ERMN: variants seen among roughly 807,000 people sequenced by gnomAD.
ERMN encodes the protein ermin.
Under a neutral mutation model 21.4 loss-of-function variants are expected in ERMN, and 17 were observed. The observed-to-expected ratio is 0.80, with a 90% CI of 0.54 to 1.19. The LOEUF is 1.19. Among genes scored for constraint, ERMN ranks in the 50% most tolerant of loss-of-function variants. The probability of loss-of-function intolerance (pLI) is 0.00; values close to 1 mark genes in which losing one functional copy is unlikely to be tolerated. For missense variants in ERMN, 348 were observed against 331.6 expected (o/e 1.05, Z -0.38); for synonymous variants, 115 against 111.9 (o/e 1.03, Z -0.17).
chr2:157,326,947 A>G (rs1684081439), upstream of ERMN, among the ~76,000 whole-genome samples: 1 of 152,148 alleles, frequency 6.6e-6, no homozygotes, highest in Non-Finnish European at 1.5e-5. Context: ...CTGCAAACTA[A>G]GTTTCATCTG....
In ERMN at chr2:157,325,806, A is replaced by C; in HGVS notation, c.-164T>G. On this transcript the variant is annotated 5_prime_UTR_variant, in exon 1 of 3. Transcript: ENST00000410096. ...CATAATAACAAGGTTCTTTTCCTAA[A>C]AGTATCCAGACAGAGATTAGAGCAA... 1 of 1,478,758 alleles carries C rather than the reference A, an allele frequency of 6.8e-7. No individual in the cohort carries two copies. The highest frequency in any genetic ancestry group is 8.9e-7 in the Non-Finnish European group (1 of 1,118,920). The allele number at this position is 1,478,758 out of a possible 1,614,324, so 91.6% of individuals were successfully genotyped here. A position where few individuals can be genotyped will look rare whatever the true frequency, so the allele number is the denominator to read the frequency against.
In ERMN at chr2:157,321,576, C is replaced by T; in HGVS notation, c.550G>A (p.Glu184Lys). 6.2e-7 allele frequency: 1 copy of T among 1,614,108 alleles called. No individual in the cohort carries two copies. Among genetic ancestry groups the T allele is most frequent in the Non-Finnish European group, 8.5e-7 (1 of 1,179,994 alleles). Residue 184 changes from glutamate to lysine, a missense_variant, in exon 3 of 3, where the codon GAA (glutamate) becomes AAA (lysine). Physicochemically the swap from Glu to Lys is moderately conservative, Grantham distance 56. Transcript: ENST00000410096. ...TCATCATCATCATCATCAATTTCTT[C>T]ATCCCAAACCTTCTGCTCCTCATCA... The part of the protein sequence containing the change: ...KHDEEQKVWD[E>K]EIDDDDDDNC...
upstream of ERMN, chr2:157,327,555 A>G (rs1684097174): frequency 5.3e-6 from 4 of 747,820 alleles, no homozygotes; most frequent in Admixed American, 7.3e-5. Flanking sequence ...GAGATTAAGG[A>G]GTTCAGCTAG....
intron 2 of ERMN, 80 bp downstream of exon 2, chr2:157,324,590 C>T (rs2105189614): frequency 8.8e-7 from 1 of 1,140,750 alleles, no homozygotes; most frequent in Non-Finnish European, 1.3e-6. Flanking sequence ...CAACCCCACG[C>T]TCATGCAACA....
chr2:157,327,459 A>G (rs1265599941), upstream of ERMN: 2 of 779,878 alleles, frequency 2.6e-6, no homozygotes, highest in South Asian at 1.3e-5. Context: ...ACTCATAAAT[A>G]GTAATACACT....
chr2:157,323,786 T>A (rs1283146111), intron 2 of ERMN, among the ~76,000 whole-genome samples: 1 of 152,140 alleles, frequency 6.6e-6, no homozygotes, highest in Non-Finnish European at 1.5e-5. Context: ...TCTATTAAGT[T>A]TATTTAAAAT....
Position 157,325,547 on chromosome 2 carries a change from T to C in ERMN, c.96A>G (p.Glu32=), listed in dbSNP as rs1280548591. The C allele has an allele frequency of 1.2e-6, 2 of 1,614,182 alleles. No homozygotes were observed. Among genetic ancestry groups the C allele is most frequent in the Non-Finnish European group, 1.7e-6 (2 of 1,180,014 alleles). Residue 32 remains glutamate, a synonymous_variant, in exon 1 of 3, where the codon GAA becomes GAG. Coordinates refer to ENST00000410096, the MANE Select transcript of ERMN (RefSeq NM_020711.3). Reference sequence around the variant, plus strand: ...GCAGGGGGCTGTCCACATCAGTCAATTCCTCACTGATTTTAGTGATTGTTT... The same window carrying C: ...GCAGGGGGCTGTCCACATCAGTCAACTCCTCACTGATTTTAGTGATTGTTT... ...GQQTITKISE[E]LTDVDSPLPH...
chr2:157,327,641 G>A (rs1158095907), upstream of ERMN: 31 of 603,814 alleles, frequency 5.1e-5, no homozygotes, highest in South Asian at 5.8e-4. Flanking sequence ...CCTGGCCTGT[G>A]TGCAGATGTT....
chr2:157,324,636 C>G, intron 2 of ERMN, 34 bp downstream of exon 2: 1 of 1,529,218 alleles, frequency 6.5e-7, no homozygotes, highest in Non-Finnish European at 9.1e-7. Context: ...CTCAGTCAAA[C>G]AATTTCTGTG....
At chr2:157,324,629 A>G (rs1232028816) in intron 2 of ERMN, 41 bp downstream of exon 2, 4 of 1,466,920 alleles carry the variant, frequency 2.7e-6, no homozygotes, top group Non-Finnish European at 3.8e-6. Flanking sequence ...ATCCATACTC[A>G]GTCAAACAAT....
intron 2 of ERMN, among the ~76,000 whole-genome samples, chr2:157,322,567 C>T (rs1222792848): frequency 2.0e-5 from 3 of 152,172 alleles, no homozygotes; most frequent in East Asian, 1.9e-4. Flanking sequence ...CTTTTGACAC[C>T]GTGAGAGTCT....
At chr2:157,322,246 G>GCA (rs61536459) in intron 2 of ERMN, among the ~76,000 whole-genome samples, 5,690 of 141,952 alleles carry the variant, frequency 0.04, 163 homozygotes, top group Admixed American at 0.086. Context: ...ACACACACAC[G>GCA]CACACACACA....
In ERMN at chr2:157,321,322, C is replaced by A; in HGVS notation, c.804G>T (p.Lys268Asn). The A allele has an allele frequency of 6.2e-7, 1 of 1,613,954 alleles. No homozygotes were observed. The highest frequency in any genetic ancestry group is 1.1e-5 in the South Asian group (1 of 91,060). ...YNTISYRKIR[K>N]GNTKQRIDEF... Reference sequence around the variant, plus strand: ...CATCAATTCTTTGCTTGGTATTTCCCTTTCTGATTTTCCGATAGGATATTG... The same window carrying A: ...CATCAATTCTTTGCTTGGTATTTCCATTTCTGATTTTCCGATAGGATATTG... The change falls in exon 3 of 3, where the codon AAG becomes AAT. Residue 268 changes from lysine (K) to asparagine (N), a missense_variant. By Grantham distance (94) the Lys-to-Asn change is moderately conservative. Transcript: ENST00000410096.
At chr2:157,325,956 C>A (rs567606898), upstream of ERMN, 34 of 1,221,246 alleles carry the variant, frequency 2.8e-5, no homozygotes, top group East Asian at 1.3e-3. Flanking sequence ...CATAAACAAA[C>A]AATCTGAAGC....
Position 157,320,123 on chromosome 2 carries a change from A to G in ERMN, c.*1148T>C, listed in dbSNP as rs954912146. The G allele has an allele frequency of 1.3e-5, 2 of 152,472 alleles. No individual in the cohort carries two copies. The highest frequency in any genetic ancestry group is 1.5e-5 in the Non-Finnish European group (1 of 68,026). The allele number at this position is 152,472 out of a possible 1,614,324, so 9.4% of individuals were successfully genotyped here. On this transcript the variant is annotated 3_prime_UTR_variant, in exon 3 of 3. Transcript: ENST00000410096. The stretch of plus-strand genomic sequence containing the variant: ...GAACAAACTATCTAAGAATATAAAT[A>G]TAGTCTCTCTTTTCATAAATATTCA...
chr2:157,321,543 T>C lies in ERMN; in HGVS notation c.583A>G (p.Asn195Asp). Residue 195 changes from asparagine (N) to aspartate (D), a missense_variant, in exon 3 of 3, where the codon AAT becomes GAT. Physicochemically the swap from Asn to Asp is conservative, Grantham distance 23. Transcript: ENST00000410096. ...EIDDDDDDNC[N>D]NDEDEVRVIE... ...ACTCGAACTTCATCTTCATCATTAT[T>C]GCAATTATCATCATCATCATCATCA... The C allele has an allele frequency of 1.9e-6, 3 of 1,614,072 alleles. No homozygotes were observed. The highest frequency in any genetic ancestry group is 2.5e-6 in the Non-Finnish European group (3 of 1,179,994).
chr2:157,319,658 T>A lies in ERMN; in HGVS notation c.*1613A>T, dbSNP rs991948126. 1.4e-4 allele frequency: 21 copies of A among 152,200 alleles called. No homozygotes were observed. The highest frequency in any genetic ancestry group is 4.4e-5 in the Non-Finnish European group (3 of 68,016). The allele number at this position is 152,200 out of a possible 1,614,324, so 9.4% of individuals were successfully genotyped here. A position where few individuals can be genotyped will look rare whatever the true frequency, so the allele number is the denominator to read the frequency against. ...CAATAAAGACCTGATTTCCCTCACTTTATTCTGGAAACTGATATTGTAACA... is the reference window on the plus strand; with the variant it reads ...CAATAAAGACCTGATTTCCCTCACTATATTCTGGAAACTGATATTGTAACA... On this transcript the variant is annotated 3_prime_UTR_variant, in exon 3 of 3. Coordinates refer to ENST00000410096, the MANE Select transcript of ERMN (RefSeq NM_020711.3).
At chr2:157,327,227 G>A (rs966377776), upstream of ERMN, 1 of 425,902 alleles carries the variant, frequency 2.3e-6, no homozygotes, top group Non-Finnish European at 4.2e-6. Context: ...GTGTGTCTAG[G>A]GCTGAGCCCA....
At chr2:157,327,560 A>G, upstream of ERMN, 1 of 744,406 alleles carries the variant, frequency 1.3e-6, no homozygotes, top group Non-Finnish European at 2.5e-6. Context: ...TAAGGAGTTC[A>G]GCTAGTAAGG....
Sources: allele counts gnomAD v4.1 joint callset (sites outside exome capture counted in the v4.1 genomes callset), GRCh38; gene constraint gnomAD v4.1.1; transcripts MANE v1.5; gene names NCBI Gene and HGNC (gene_info 2026-07-23, HGNC 2026-07-21).